ADAMTSL1: variants seen among roughly 807,000 people sequenced by gnomAD.
The protein encoded by ADAMTSL1 is ADAMTS-like protein 1.
In ADAMTSL1, 126 loss-of-function variants were observed where a neutral mutation model predicts 201.8. The observed-to-expected ratio is 0.62, with a 90% CI of 0.54 to 0.72. The LOEUF (loss-of-function observed/expected upper bound fraction) is 0.72, where lower values mean the gene tolerates loss of function less well. Among genes scored for constraint, ADAMTSL1 ranks in the 30% least tolerant of loss-of-function variants. The probability of loss-of-function intolerance (pLI) is 0.00; values close to 1 mark genes in which losing one functional copy is unlikely to be tolerated. For synonymous variants in ADAMTSL1, 1,121 were observed against 903.4 expected (o/e 1.24, Z -4.32); for missense variants, 2,679 against 2,277.8 (o/e 1.18, Z -3.59).
At chr9:18,280,673 A>G (rs1832748871) in intron 2 of ADAMTSL1, among the ~76,000 whole-genome samples, 1 of 152,158 alleles carries the variant, frequency 6.6e-6, no homozygotes, top group Non-Finnish European at 1.5e-5. Context: ...TGGCATTATA[A>G]ATAAATTTTA....
chr9:18,758,033 G>A lies in ADAMTSL1; in HGVS notation c.2217+4525G>A, dbSNP rs1284740054. ...TAGTTACTAATATTATCCCCATTTT[G>A]CATGTGAGGAACCTGAAGTATTGTG... On this transcript the variant is annotated intron_variant, in intron 16 of 28. Transcript: ENST00000380548. Among the ~76,000 whole-genome samples the A allele has an allele frequency of 2.1e-4, 32 of 152,100 alleles. 2 individuals are homozygous for A. The highest frequency in any genetic ancestry group is 2.1e-3 in the Admixed American group (32 of 15,276).
At chr9:18,201,496 A>G (rs1008389163) in intron 2 of ADAMTSL1, among the ~76,000 whole-genome samples, 2 of 152,122 alleles carry the variant, frequency 1.3e-5, no homozygotes, top group African/African-American at 4.8e-5. Flanking sequence ...GAAAGTTCCT[A>G]AGAACATTTT....
At chr9:18,228,835 T>G (rs186617604) in intron 2 of ADAMTSL1, among the ~76,000 whole-genome samples, 2 of 140,626 alleles carry the variant, frequency 1.4e-5, no homozygotes, top group Non-Finnish European at 3.1e-5. Flanking sequence ...TGATTCAGAG[T>G]TTTTTTGTTT....
intron 23 of ADAMTSL1, among the ~76,000 whole-genome samples, chr9:18,886,870 G>T (rs1167585723): frequency 2.6e-5 from 4 of 152,148 alleles, no homozygotes; most frequent in Non-Finnish European, 1.5e-5. Context: ...CTCCTGCCTT[G>T]CATCTGCAGT....
intron 26 of ADAMTSL1, among the ~76,000 whole-genome samples, chr9:18,893,129 G>A (rs964598392): frequency 2.6e-5 from 4 of 151,948 alleles, no homozygotes; most frequent in Non-Finnish European, 5.9e-5. Context: ...GTGACATAAT[G>A]TATATGCTTC....
intron 1 of ADAMTSL1, among the ~76,000 whole-genome samples, chr9:17,931,037 A>C (rs185761772): frequency 1.3e-5 from 2 of 152,302 alleles, no homozygotes; most frequent in Admixed American, 6.5e-5. Flanking sequence ...GATGAACTAC[A>C]AATAAAAACC....
chr9:18,103,323 G>A (rs1824613301), intron 1 of ADAMTSL1, among the ~76,000 whole-genome samples: 1 of 152,112 alleles, frequency 6.6e-6, no homozygotes. Context: ...GACTTTTTAA[G>A]TTTATTACAT....
chr9:18,683,519 C>T (rs1197191031), intron 12 of ADAMTSL1, among the ~76,000 whole-genome samples: 6 of 152,120 alleles, frequency 3.9e-5, no homozygotes, highest in Non-Finnish European at 2.9e-5. Flanking sequence ...TGAGCCTCCA[C>T]GCCCAGCCGA....
At chr9:18,506,615 C>G (rs1163029840) in intron 2 of ADAMTSL1, among the ~76,000 whole-genome samples, 1 of 151,984 alleles carries the variant, frequency 6.6e-6, no homozygotes, top group Non-Finnish European at 1.5e-5. Context: ...AATTTTGCCA[C>G]CTAGTAAGTT....
chr9:18,181,056 A>G (rs1220950946), intron 2 of ADAMTSL1, among the ~76,000 whole-genome samples: 8 of 152,080 alleles, frequency 5.3e-5, no homozygotes, highest in African/African-American at 4.8e-5. Context: ...TATTTAATAA[A>G]TGGTGCTGGG....
At chr9:18,461,326 T>C (rs1007000743) in intron 2 of ADAMTSL1, among the ~76,000 whole-genome samples, 3 of 152,156 alleles carry the variant, frequency 2.0e-5, no homozygotes, top group African/African-American at 7.2e-5. Context: ...CAAGTCAATT[T>C]ATCATTATGA....
At chr9:18,772,782 G>C (rs889367923) in intron 17 of ADAMTSL1, among the ~76,000 whole-genome samples, 1 of 152,154 alleles carries the variant, frequency 6.6e-6, no homozygotes, top group Non-Finnish European at 1.5e-5. Context: ...ACCATGGCTG[G>C]CTGGGCCTGA....
rs80026030 is a variant in ADAMTSL1, at chr9:18,591,411, T to C, written c.474+17145T>C. ...TTCACTTTCAGTTTGTGTGCCCTTATAGGTGAAGTGAGCTTCTTGTTTACA... is the reference window on the plus strand; with the variant it reads ...TTCACTTTCAGTTTGTGTGCCCTTACAGGTGAAGTGAGCTTCTTGTTTACA... On this transcript the variant is annotated intron_variant, in intron 4 of 28. Coordinates refer to ENST00000380548, the MANE Select transcript of ADAMTSL1 (RefSeq NM_001040272.6). 1.4e-3 allele frequency among the ~76,000 whole-genome samples: 211 copies of C among 152,334 alleles called. 1 individual carries two copies. Among genetic ancestry groups the C allele is most frequent in the African/African-American group, 4.7e-3 (194 of 41,590 alleles).
rs188168977 is a variant in ADAMTSL1, at chr9:18,382,185, C to T, written c.208-122644C>T. On this transcript the variant is annotated intron_variant, in intron 2 of 29. Transcript: ENST00000680146. ...ATGAGTGGCTTTTAAAACCACTTAC[C>T]GTGATTATGTGTGTGTTTTCTAGGC... Among the ~76,000 whole-genome samples the T allele has an allele frequency of 6.6e-5, 10 of 152,170 alleles. No homozygotes were observed. The South Asian group carries it at 1.0e-3, about 16-fold the overall frequency.
chr9:18,723,077 C>T (rs1349158164), intron 15 of ADAMTSL1: 4 of 778,438 alleles, frequency 5.1e-6, no homozygotes, highest in Non-Finnish European at 9.6e-6. Flanking sequence ...ACCAAGAGGC[C>T]TGGCTTCTCA....
chr9:18,038,664 A>G (rs1349183299), intron 1 of ADAMTSL1, among the ~76,000 whole-genome samples: 1 of 152,156 alleles, frequency 6.6e-6, no homozygotes, highest in East Asian at 1.9e-4. Context: ...GCTGGCTTGG[A>G]TTATTCCAGG....
chr9:18,023,264 A>G (rs766332986), intron 1 of ADAMTSL1, among the ~76,000 whole-genome samples: 1 of 152,062 alleles, frequency 6.6e-6, no homozygotes, highest in Admixed American at 6.6e-5. Flanking sequence ...CCCTCTCCCA[A>G]AGTATCAGCT....
Position 18,908,555 on chromosome 9 carries a change from G to A in ADAMTSL1, c.*7G>A. Reference sequence around the variant, plus strand: ...AACTTGTGGCAAAGCGTGAAGATAGGGTGTGGGGAAAAACTCTACCCTGGC... The same window carrying A: ...AACTTGTGGCAAAGCGTGAAGATAGAGTGTGGGGAAAAACTCTACCCTGGC... On this transcript the variant is annotated 3_prime_UTR_variant, in exon 29 of 29. Coordinates refer to ENST00000380548, the MANE Select transcript of ADAMTSL1 (RefSeq NM_001040272.6). 3 of 1,555,656 alleles carry A rather than the reference G, an allele frequency of 1.9e-6. No homozygotes were observed. The highest frequency in any genetic ancestry group is 2.6e-6 in the Non-Finnish European group (3 of 1,149,250).
Position 18,474,188 on chromosome 9 carries a change from G to C in ADAMTSL1, c.-45G>C, listed in dbSNP as rs1821335193. 8.1e-6 allele frequency: 13 copies of C among 1,597,796 alleles called. No homozygotes were observed. The highest frequency in any genetic ancestry group is 1.3e-5 in the African/African-American group (1 of 74,552). ...GTGACAGCAGGCAGAGGAGCACTTA[G>C]CAGCTTATTCAGTGTCCGATTCTGA... On this transcript the variant is annotated 5_prime_UTR_variant, in exon 1 of 29. Coordinates refer to ENST00000380548, the MANE Select transcript of ADAMTSL1 (RefSeq NM_001040272.6).
Sources: allele counts gnomAD v4.1 joint callset (sites outside exome capture counted in the v4.1 genomes callset), GRCh38; gene constraint gnomAD v4.1.1; transcripts MANE v1.5; gene names NCBI Gene and HGNC (gene_info 2026-07-23, HGNC 2026-07-21).